GLT1D1: variants seen among roughly 807,000 people sequenced by gnomAD.
GLT1D1 encodes glycosyltransferase 1 domain containing 1, also known as glycosyltransferase 1 domain-containing protein 1.
In GLT1D1, 21 loss-of-function variants were observed where a neutral mutation model predicts 28.7. That is an observed-to-expected ratio of 0.73 (90% CI 0.52 to 1.05). GLT1D1 has a LOEUF of 1.05. Among genes scored for constraint, GLT1D1 ranks in the 50% least tolerant of loss-of-function variants. The pLI is 0.00. For synonymous variants in GLT1D1, 147 were observed against 124.8 expected, an observed-to-expected ratio of 1.18 and a Z score of -1.19; for missense variants, 343 against 330.6, an observed-to-expected ratio of 1.04 and a Z score of -0.29.
intron 2 of GLT1D1, among the ~76,000 whole-genome samples, chr12:128,881,156 G>A (rs376168145): frequency 6.7e-6 from 1 of 149,338 alleles, no homozygotes; most frequent in African/African-American, 2.5e-5. Context: ...CCCGGGAGGC[G>A]GAGCTTGCAG....
rs150588754 is a variant in GLT1D1, at chr12:128,908,021, A to T, written c.375+8734A>T. On this transcript the variant is annotated intron_variant, in intron 4 of 7. Coordinates refer to ENST00000281703, the MANE Select transcript of GLT1D1 (RefSeq NM_144669.3). ...CCTGTTTCTTGAGTCGCCCCAGTAGATGGGGTGCCACACTCTCATCCTTTT... is the reference window on the plus strand; with the variant it reads ...CCTGTTTCTTGAGTCGCCCCAGTAGTTGGGGTGCCACACTCTCATCCTTTT... Among the ~76,000 whole-genome samples, 28 of 152,324 alleles carry T rather than the reference A, an allele frequency of 1.8e-4. No homozygotes were observed. The East Asian group carries it at 5.4e-3, about 29-fold the overall frequency.
chr12:128,958,062 A>T (rs1438576005), intron 7 of GLT1D1, among the ~76,000 whole-genome samples: 3 of 152,236 alleles, frequency 2.0e-5, no homozygotes, highest in Non-Finnish European at 4.4e-5. Flanking sequence ...TAAATACAGA[A>T]ACACGTGTGA....
intron 1 of GLT1D1, among the ~76,000 whole-genome samples, chr12:128,856,907 A>C (rs515676): frequency 1.3e-5 from 2 of 152,056 alleles, no homozygotes; most frequent in Non-Finnish European, 2.9e-5. Context: ...CGGAGGTTGC[A>C]TGAGCCAAGA....
chr12:128,892,032 C>T (rs1359432133), intron 3 of GLT1D1, among the ~76,000 whole-genome samples: 1 of 152,130 alleles, frequency 6.6e-6, no homozygotes, highest in East Asian at 1.9e-4. Flanking sequence ...GGCAGGAAGA[C>T]TCAAAGCAGG....
intron 4 of GLT1D1, among the ~76,000 whole-genome samples, chr12:128,908,897 C>G (rs573967326): frequency 1.2e-4 from 18 of 152,016 alleles, no homozygotes; most frequent in Admixed American, 1.2e-3. Flanking sequence ...TGCAGTGAGC[C>G]GAGATCGCGC....
chr12:128,867,322 G>A (rs1450741928), intron 1 of GLT1D1, among the ~76,000 whole-genome samples: 5 of 149,554 alleles, frequency 3.3e-5, no homozygotes, highest in African/African-American at 7.4e-5. Flanking sequence ...GCTTGAACCC[G>A]GGAGGCAGAG....
chr12:128,951,061 T>A (rs769492874), intron 6 of GLT1D1, among the ~76,000 whole-genome samples: 1 of 152,186 alleles, frequency 6.6e-6, no homozygotes, highest in Non-Finnish European at 1.5e-5. Context: ...GTAATGCATA[T>A]GTTAATTAGC....
At chr12:128,915,018 T>C in intron 4 of GLT1D1, 29 bp downstream of exon 6, 1 of 1,496,944 alleles carries the variant, frequency 6.7e-7, no homozygotes. Context: ...TTAGAGGATT[T>C]TGATGAAGTG....
At chr12:128,883,832 C>T (rs1381794774) in intron 2 of GLT1D1, among the ~76,000 whole-genome samples, 1 of 152,048 alleles carries the variant, frequency 6.6e-6, no homozygotes, top group Non-Finnish European at 1.5e-5. Flanking sequence ...CATATTAGAG[C>T]AAGGGGTGCA....
chr12:128,928,771 C>G (rs1028956562), intron 4 of GLT1D1, among the ~76,000 whole-genome samples: 1 of 152,042 alleles, frequency 6.6e-6, no homozygotes, highest in East Asian at 1.9e-4. Flanking sequence ...TAGGCGCCTG[C>G]CACCACACCT....
rs1001178881 is a variant in GLT1D1, at chr12:128,951,608, G to A, written c.540+4150G>A. Among the ~76,000 whole-genome samples the A allele has an allele frequency of 2.6e-5, 4 of 152,134 alleles. No individual in the cohort carries two copies. In the East Asian group the frequency reaches 5.8e-4, roughly 22 times the overall value. ...TGACGCTGGCTCTGAACCGCTTTCC[G>A]TCCCAAGCCTGTGAGTCATGCACGG... is the stretch of plus-strand genomic sequence containing the variant. On this transcript the variant is annotated intron_variant, in intron 6 of 7. Coordinates refer to ENST00000281703, the MANE Select transcript of GLT1D1 (RefSeq NM_144669.3).
chr12:128,936,460 T>A (rs1874575137), intron 4 of GLT1D1, among the ~76,000 whole-genome samples: 1 of 152,204 alleles, frequency 6.6e-6, no homozygotes, highest in Non-Finnish European at 1.5e-5. Flanking sequence ...GGCCATAAAA[T>A]ATCTTTTCAT....
At chr12:128,874,140 T>G (rs867324930) in intron 1 of GLT1D1, among the ~76,000 whole-genome samples, 1 of 84,206 alleles carries the variant, frequency 1.2e-5, no homozygotes, top group Non-Finnish European at 2.5e-5. Context: ...CTTTCTTTCT[T>G]TCTTTCTTTC....
chr12:128,893,448 G>T (rs2135839585), intron 3 of GLT1D1, among the ~76,000 whole-genome samples: 1 of 151,996 alleles, frequency 6.6e-6, no homozygotes, highest in East Asian at 1.9e-4. Flanking sequence ...AGATATTTAA[G>T]CCCAAAGATT....
chr12:128,896,604 A>C (rs796584277), intron 3 of GLT1D1, among the ~76,000 whole-genome samples: 6 of 133,262 alleles, frequency 4.5e-5, no homozygotes, highest in African/African-American at 1.7e-4. Flanking sequence ...TTTTTGAGAC[A>C]GAGTCTTGCT....
intron 6 of GLT1D1, among the ~76,000 whole-genome samples, chr12:128,948,985 C>A (rs66951466): frequency 6.6e-6 from 1 of 152,146 alleles, no homozygotes; most frequent in Non-Finnish European, 1.5e-5. Context: ...CGTGATCATC[C>A]TCAGCCAGAT....
chr12:128,918,922 T>C (rs1872372757), intron 4 of GLT1D1, among the ~76,000 whole-genome samples: 1 of 152,234 alleles, frequency 6.6e-6, no homozygotes, highest in Admixed American at 6.5e-5. Flanking sequence ...CAAAGCGTTT[T>C]CCTCTGGAGA....
intron 7 of GLT1D1, among the ~76,000 whole-genome samples, chr12:128,961,567 G>C (rs867534147): frequency 6.6e-6 from 1 of 152,202 alleles, no homozygotes; most frequent in Admixed American, 6.5e-5. Context: ...GGCAAAGAAC[G>C]ATGACTATCG....
At position 128,915,070 on chromosome 12, in the gene GLT1D1, GT is replaced by G. The variant is rs1871967660; in HGVS notation, c.375+15787del. 5.2e-6 allele frequency: 6 copies of G among 1,164,446 alleles called. No individual in the cohort carries two copies. In the South Asian group the frequency reaches 8.2e-5, roughly 16 times the overall value. The allele number at this position is 1,164,446 out of a possible 1,614,324, so 72.1% of individuals were successfully genotyped here. A position where few individuals can be genotyped will look rare whatever the true frequency, so the allele number is the denominator to read the frequency against. ...TTCAGGAGCTTGTGACGTTCATGCGGTTTTGAAAAAGTGGTTGTCAGAGAGA... is the reference window on the plus strand; with the variant it reads ...TTCAGGAGCTTGTGACGTTCATGCGGTTTGAAAAAGTGGTTGTCAGAGAGA... On this transcript the variant is annotated intron_variant, in intron 4 of 7. Transcript: ENST00000281703.
Sources: allele counts gnomAD v4.1 joint callset (sites outside exome capture counted in the v4.1 genomes callset), GRCh38; gene constraint gnomAD v4.1.1; transcripts MANE v1.5; gene names NCBI Gene and HGNC (gene_info 2026-07-23, HGNC 2026-07-21).